Variants in KLRB1 observed in about 807,000 individuals in gnomAD.
KLRB1 encodes the protein killer cell lectin-like receptor subfamily B member 1.
Under a neutral mutation model 33.5 loss-of-function variants are expected in KLRB1, and 27 were observed. The ratio of observed to expected loss-of-function variants is 0.81; its 90% CI spans 0.59 to 1.11. The LOEUF (loss-of-function observed/expected upper bound fraction) is 1.11. Among genes scored for constraint, KLRB1 ranks in the 50% most tolerant of loss-of-function variants. The probability of loss-of-function intolerance (pLI) is 0.00; values close to 1 mark genes in which losing one functional copy is unlikely to be tolerated. For synonymous variants in KLRB1, 64 were observed against 88.9 expected (o/e 0.72, Z 1.58); for missense variants, 241 against 254.1 (o/e 0.95, Z 0.35).
chr12:9,600,743 AG>A (rs1273662739), intron 2 of KLRB1, among the ~76,000 whole-genome samples: 1 of 151,890 alleles, frequency 6.6e-6, no homozygotes, highest in Admixed American at 6.6e-5. Flanking sequence ...TGAAGTACCC[AG>A]GGACACAAAA....
intron 1 of KLRB1, among the ~76,000 whole-genome samples, chr12:9,603,453 C>T (rs1174555329): frequency 8.1e-5 from 12 of 147,308 alleles, no homozygotes; most frequent in Admixed American, 2.8e-4. Flanking sequence ...ATTTTTGAGA[C>T]GGAGTTTCAC....
chr12:9,603,073 G>C (rs1354754848), intron 1 of KLRB1, among the ~76,000 whole-genome samples: 1 of 152,176 alleles, frequency 6.6e-6, no homozygotes, highest in East Asian at 1.9e-4. Flanking sequence ...GTAACATATG[G>C]ATTATCGTCT....
Position 9,598,712 on chromosome 12 carries a change from A to G in KLRB1, c.260-59T>C. The G allele has an allele frequency of 4.9e-6, 6 of 1,226,892 alleles. No homozygotes were observed. The South Asian group carries it at 7.0e-5, about 14-fold the overall frequency. 76.0% of individuals were successfully genotyped at this position (1,226,892 alleles called of 1,614,324 possible). A position where few individuals can be genotyped will look rare whatever the true frequency, so the allele number is the denominator to read the frequency against. On this transcript the variant is annotated intron_variant, in intron 3 of 5. Transcript: ENST00000229402. ...TATATTTCTAACCTATCCCTGACAC[A>G]CCACAACCAATCACACACACACAGG...
chr12:9,595,505 C>T, intron 5 of KLRB1, 84 bp from the exon 6 acceptor site: 3 of 1,249,844 alleles, frequency 2.4e-6, no homozygotes, highest in Non-Finnish European at 3.5e-6. Context: ...CTAGGACTCT[C>T]AGGAAGCAGT....
At chr12:9,596,234 G>T (rs1048108997) in intron 5 of KLRB1, among the ~76,000 whole-genome samples, 2 of 152,130 alleles carry the variant, frequency 1.3e-5, no homozygotes, top group African/African-American at 4.8e-5. Context: ...GCCTCTTGGG[G>T]CTGCTTGTCT....
chr12:9,596,173 C>T (rs1864490908), intron 5 of KLRB1, among the ~76,000 whole-genome samples: 1 of 152,122 alleles, frequency 6.6e-6, no homozygotes, highest in South Asian at 2.1e-4. Flanking sequence ...TGGCAGCATG[C>T]TGGGCTCCAT....
chr12:9,597,254 T>C (rs1163487563), intron 5 of KLRB1, among the ~76,000 whole-genome samples: 1 of 152,200 alleles, frequency 6.6e-6, no homozygotes, highest in East Asian at 1.9e-4. Flanking sequence ...TACAGACTCA[T>C]TAAATATAAC....
chr12:9,607,343 T>TGCCTG (rs1565444564), intron 1 of KLRB1, among the ~76,000 whole-genome samples: 1 of 68,066 alleles, frequency 1.5e-5, no homozygotes, highest in Non-Finnish European at 3.1e-5. Flanking sequence ...TTCCTTTCTT[T>TGCCTG]CTTTCTTTCT....
chr12:9,607,415 T>TTCTTTCTTTCTTTTCTTTTCTTTTTG (rs1555097888), intron 1 of KLRB1, among the ~76,000 whole-genome samples: 95 of 102,788 alleles, frequency 9.2e-4, no homozygotes, highest in South Asian at 2.2e-3. Flanking sequence ...TTTTCTTTCT[T>TTCTTTCTTTCTTTTCTTTTCTTTTTG]TCTTTCTTTC....
Position 9,607,754 on chromosome 12 carries a change from C to G in KLRB1, c.85+1G>C, listed in dbSNP as rs749217581. ...CCGAAAGGAAAATTAAAGCCACTTA[C>G]CCCGAGGAAGAGATGAAGGTGAAGA... On this transcript the variant is annotated splice_donor_variant, in intron 1 of 5. Coordinates refer to ENST00000229402, the MANE Select transcript of KLRB1 (RefSeq NM_002258.3). LOFTEE classifies it high-confidence loss of function. 3 of 1,604,756 alleles carry G rather than the reference C, an allele frequency of 1.9e-6. No individual in the cohort carries two copies. In the East Asian group the frequency reaches 6.7e-5, roughly 36 times the overall value.
chr12:9,607,355 C>CATTTCTTTCTTTCTTTCTTTCTTTCTTT (rs1555097796), intron 1 of KLRB1, among the ~76,000 whole-genome samples: 2 of 52,706 alleles, frequency 3.8e-5, no homozygotes, highest in African/African-American at 1.0e-4. Flanking sequence ...TTTCTTTCTT[C>CATTTCTTTCTTTCTTTCTTTCTTTCTTT]CTTTCTTTCT....
intron 1 of KLRB1, among the ~76,000 whole-genome samples, chr12:9,607,339 T>TTCCTGCCTGCCTGC (rs1330109407): frequency 9.8e-5 from 6 of 61,218 alleles, no homozygotes; most frequent in Admixed American, 2.0e-4. Flanking sequence ...TTCTTTCCTT[T>TTCCTGCCTGCCTGC]CTTTCTTTCT....
Position 9,607,810 on chromosome 12 carries a change from T to C in KLRB1, c.30A>G (p.Leu10=). ...CTGGGCCTGAGTCTGTGGGTAAGTT[T>C]AACTCAGCATATATTGCTTGTTGGT... The part of the protein sequence containing the change: MDQQAIYAE[L]NLPTDSGPES... The change falls in exon 1 of 6, where the codon TTA becomes TTG. Residue 10 remains leucine (L), a synonymous_variant. Coordinates refer to ENST00000229402, the MANE Select transcript of KLRB1 (RefSeq NM_002258.3). 1.2e-6 allele frequency: 2 copies of C among 1,613,674 alleles called. No homozygotes were observed. Among genetic ancestry groups the C allele is most frequent in the Non-Finnish European group, 1.7e-6 (2 of 1,179,630 alleles).
At chr12:9,606,758 A>ATTTTTTTTT (rs1285915836) in intron 1 of KLRB1, among the ~76,000 whole-genome samples, 23 of 65,900 alleles carry the variant, frequency 3.5e-4, no homozygotes, top group Non-Finnish European at 4.6e-4. Context: ...ATATATATAT[A>ATTTTTTTTT]TATTTTTTTT....
Position 9,595,862 on chromosome 12 carries a change from A to G in KLRB1, c.531-441T>C, listed in dbSNP as rs142384533. ...TACTTCAAAAATATGTGCTGAGTAA[A>G]TATGATAAATATCTAGAGGCATGAT... On this transcript the variant is annotated intron_variant, in intron 5 of 5. Coordinates refer to ENST00000229402, the MANE Select transcript of KLRB1 (RefSeq NM_002258.3). Among the ~76,000 whole-genome samples the G allele has an allele frequency of 4.6e-5, 7 of 152,322 alleles. No homozygotes were observed. In the East Asian group the frequency reaches 1.4e-3, roughly 29 times the overall value.
chr12:9,598,664 A>C lies in KLRB1; in HGVS notation c.260-11T>G. 6.3e-7 allele frequency: 1 copy of C among 1,593,574 alleles called. No homozygotes were observed. The highest frequency in any genetic ancestry group is 1.1e-5 in the South Asian group (1 of 89,374). On this transcript the variant is annotated splice_polypyrimidine_tract_variant and intron_variant, in intron 3 of 5. Coordinates refer to ENST00000229402, the MANE Select transcript of KLRB1 (RefSeq NM_002258.3). ...AGAGACCCGGTCTCTCTAAAGTAAA[A>C]AACAGAAATAAGAAATAAATGTTAT...
chr12:9,604,194 A>G (rs1157131252), intron 1 of KLRB1, among the ~76,000 whole-genome samples: 2 of 152,154 alleles, frequency 1.3e-5, no homozygotes, highest in African/African-American at 4.8e-5. Flanking sequence ...ACAATGAATC[A>G]CTACAGGGGT....
chr12:9,595,671 A>G (rs1367034604), intron 5 of KLRB1, among the ~76,000 whole-genome samples: 2 of 152,210 alleles, frequency 1.3e-5, no homozygotes, highest in African/African-American at 4.8e-5. Context: ...CATTAAAAAA[A>G]GAAAGAAACT....
At chr12:9,597,432 T>C (rs1466020597) in intron 5 of KLRB1, among the ~76,000 whole-genome samples, 1 of 98,392 alleles carries the variant, frequency 1.0e-5, no homozygotes, top group African/African-American at 3.5e-5. Context: ...AAATGCCTCA[T>C]AGTACGTTGA....
Sources: allele counts gnomAD v4.1 joint callset (sites outside exome capture counted in the v4.1 genomes callset), GRCh38; gene constraint gnomAD v4.1.1; transcripts MANE v1.5; gene names NCBI Gene and HGNC (gene_info 2026-07-23, HGNC 2026-07-21).